SNED1: variants seen among roughly 807,000 people sequenced by gnomAD.
The protein encoded by SNED1 is sushi, nidogen and EGF-like domain-containing protein 1.
In SNED1, 81 loss-of-function variants were observed where a neutral mutation model predicts 166.7. That is an observed-to-expected ratio of 0.49 (90% CI 0.41 to 0.58). The LOEUF (loss-of-function observed/expected upper bound fraction) is 0.58. Ranked by LOEUF, SNED1 falls within the 20% of genes least tolerant of loss-of-function variation. The pLI, the probability that SNED1 is intolerant of heterozygous loss-of-function variation, is 0.00. For synonymous variants in SNED1, 762 were observed against 822.0 expected, an observed-to-expected ratio of 0.93 and a Z score of 1.25; for missense variants, 1,604 against 2,000.2, an observed-to-expected ratio of 0.80 and a Z score of 3.78.
rs1043639010 is a variant in SNED1 at position 241,049,867 on chromosome 2, G to A, written c.1669G>A (p.Asp557Asn). 4.3e-6 allele frequency: 7 copies of A among 1,613,694 alleles called. No homozygotes were observed. The highest frequency in any genetic ancestry group is 4.0e-5 in the African/African-American group (3 of 74,928). ...CCCCTGCTTCAACGGAGGCTCCTGC[G>A]ATGCCCATGACGACTCCTACACCTG... ...SDPCFNGGSC[D>N]AHDDSYTCEC... Residue 557 changes from aspartate (D) to asparagine (N), a missense_variant, in exon 12 of 32, where the codon GAT becomes AAT. By Grantham distance (23) the Asp-to-Asn change is conservative. This residue lies in a region of SNED1 where 1,237 missense variants were observed against 1,620.8 expected (regional missense o/e 0.76). Coordinates refer to ENST00000310397, the MANE Select transcript of SNED1 (RefSeq NM_001080437.3).
chr2:241,075,792 G>A lies in SNED1; in HGVS notation c.3916+2428G>A, dbSNP rs973120197. 2 of 152,104 alleles carry A rather than the reference G, an allele frequency of 1.3e-5. No individual in the cohort carries two copies. Among genetic ancestry groups the A allele is most frequent in the Admixed American group, 6.5e-5 (1 of 15,282 alleles). 9.4% of individuals were successfully genotyped at this position (152,104 alleles called of 1,614,324 possible). A position where few individuals can be genotyped will look rare whatever the true frequency, so the allele number is the denominator to read the frequency against. On this transcript the variant is annotated intron_variant, in intron 27 of 31. Coordinates refer to ENST00000310397, the MANE Select transcript of SNED1 (RefSeq NM_001080437.3). The surrounding 1 kb of genome is among the most constrained non-coding windows in gnomAD (Gnocchi z 4.8). ...ACACCAAAGTTAGAAAGTTATTCAT[G>A]TATATTTTTTTCACAAAGATGTAAA...
chr2:241,048,540 G>T (rs961318919), intron 9 of SNED1, 100 bp downstream of exon 9: 13 of 1,493,698 alleles, frequency 8.7e-6, no homozygotes, highest in Non-Finnish European at 1.1e-5. Context: ...GAAAAGAAAC[G>T]TGTGAGTGCG....
At chr2:241,078,243 C>T (rs766561802) in intron 27 of SNED1, among the ~76,000 whole-genome samples, 14 of 151,510 alleles carry the variant, frequency 9.2e-5, no homozygotes, top group Admixed American at 2.0e-4. Flanking sequence ...ATTAGCTGGG[C>T]GTGGTGGCGG....
chr2:241,058,940 A>ACT (rs1366076781), intron 16 of SNED1, among the ~76,000 whole-genome samples: 1 of 151,432 alleles, frequency 6.6e-6, no homozygotes, highest in African/African-American at 2.4e-5. Flanking sequence ...ACACAGCAAG[A>ACT]CTCTGTTTCA....
At position 241,075,298 on chromosome 2, in the gene SNED1, G is replaced by A. The variant is rs1035528151; in HGVS notation, c.3916+1934G>A. 6.6e-6 allele frequency: 1 copy of A among 152,188 alleles called. No homozygotes were observed. Among genetic ancestry groups the A allele is most frequent in the Admixed American group, 6.5e-5 (1 of 15,274 alleles). The allele number at this position is 152,188 out of a possible 1,614,324, so 9.4% of individuals were successfully genotyped here. Reference sequence around the variant, plus strand: ...AATGCCCAAATTACATGAGAACTAAGTCATTTTCTAAGAGGCGATAGCAGT... The same window carrying A: ...AATGCCCAAATTACATGAGAACTAAATCATTTTCTAAGAGGCGATAGCAGT... On this transcript the variant is annotated intron_variant, in intron 27 of 31. Transcript: ENST00000310397. The surrounding 1 kb of genome is among the most constrained non-coding windows in gnomAD (Gnocchi z 4.8).
chr2:241,004,970 C>T (rs2060181873), intron 1 of SNED1, among the ~76,000 whole-genome samples: 1 of 152,164 alleles, frequency 6.6e-6, no homozygotes, highest in Non-Finnish European at 1.5e-5. Context: ...ATCCACCCAC[C>T]TCAGCCTCAC....
chr2:240,998,457 G>C (rs981617637), upstream of SNED1, among the ~76,000 whole-genome samples: 1 of 152,142 alleles, frequency 6.6e-6, no homozygotes, highest in African/African-American at 2.4e-5. Flanking sequence ...CGCCCGCAGA[G>C]CCCTCACCTT....
intron 27 of SNED1, among the ~76,000 whole-genome samples, chr2:241,081,108 C>T (rs2302042): frequency 0.18 from 27,286 of 152,204 alleles, 2,634 homozygotes; most frequent in Middle Eastern, 0.28. Context: ...CATCACAGGC[C>T]GCCTGGGCTG....
intron 24 of SNED1, among the ~76,000 whole-genome samples, chr2:241,070,959 A>G (rs1559294873): frequency 6.6e-6 from 1 of 152,202 alleles, no homozygotes; most frequent in Non-Finnish European, 1.5e-5. Context: ...CACGAAGTGC[A>G]TAAGCTTGCC....
In SNED1 at chr2:241,037,358, G is replaced by C; in HGVS notation, c.1045+5G>C. On this transcript the variant is annotated splice_donor_5th_base_variant and intron_variant, in intron 6 of 31. Coordinates refer to ENST00000310397, the MANE Select transcript of SNED1 (RefSeq NM_001080437.3). ...GGGGACCCACCTGTGAGACAGGTAAGAGGAACCCACCGGGGCCCACGGGGC... is the reference window on the plus strand; with the variant it reads ...GGGGACCCACCTGTGAGACAGGTAACAGGAACCCACCGGGGCCCACGGGGC... The C allele has an allele frequency of 6.3e-7, 1 of 1,597,606 alleles. No individual in the cohort carries two copies.
intron 16 of SNED1, among the ~76,000 whole-genome samples, chr2:241,057,515 T>G (rs2062095314): frequency 6.7e-6 from 1 of 149,808 alleles, no homozygotes; most frequent in African/African-American, 2.5e-5. Context: ...AGACCCCAAC[T>G]CTACAAAAAA....
In SNED1 at chr2:241,048,414, G is replaced by GCTT. The variant is rs2061726978; in HGVS notation, c.1375_1377dup (p.Phe459dup). 1 of 1,610,384 alleles carries GCTT rather than the reference G, an allele frequency of 6.2e-7. No homozygotes were observed. The highest frequency in any genetic ancestry group is 8.5e-7 in the Non-Finnish European group (1 of 1,178,576). ...GGCTACGTGTGCGAGTGCCCCGAAGGCTTCATGGGCCTGGACTGCAGGGAG... is the reference window on the plus strand; with the variant it reads ...GGCTACGTGTGCGAGTGCCCCGAAGGCTTCTTCATGGGCCTGGACTGCAGGGAG... On this transcript the variant is annotated inframe_insertion, in exon 9 of 32. Transcript: ENST00000310397.
In SNED1 at chr2:241,030,581, G is replaced by A. The variant is rs781451199; in HGVS notation, c.501+10G>A. On this transcript the variant is annotated intron_variant, in intron 2 of 31. Transcript: ENST00000310397. ...CAGTTCCTCATCCCCTGTGAGTCCAGGCACTTGTCCTGGGGAGGGTGGGTG... is the reference window on the plus strand; with the variant it reads ...CAGTTCCTCATCCCCTGTGAGTCCAAGCACTTGTCCTGGGGAGGGTGGGTG... 1 of 1,612,642 alleles carries A rather than the reference G, an allele frequency of 6.2e-7. No homozygotes were observed. Among genetic ancestry groups the A allele is most frequent in the Non-Finnish European group, 8.5e-7 (1 of 1,179,088 alleles).
rs1337190565 is a variant in SNED1, at chr2:241,087,838, G to C, written c.4205+363G>C. 5.4e-6 allele frequency: 3 copies of C among 557,530 alleles called. No individual in the cohort carries two copies. In the Admixed American group the frequency reaches 1.2e-4, roughly 22 times the overall value. 34.5% of individuals were successfully genotyped at this position (557,530 alleles called of 1,614,324 possible). Reference sequence around the variant, plus strand: ...TTACTTTTTATTCACTCACACCCAGGTTCTTTCCACAAAGGGTTCAAGGTA... The same window carrying C: ...TTACTTTTTATTCACTCACACCCAGCTTCTTTCCACAAAGGGTTCAAGGTA... On this transcript the variant is annotated intron_variant, in intron 30 of 31. Coordinates refer to ENST00000310397, the MANE Select transcript of SNED1 (RefSeq NM_001080437.3).
intron 27 of SNED1, among the ~76,000 whole-genome samples, chr2:241,081,272 A>G (rs1394630059): frequency 6.6e-6 from 1 of 150,528 alleles, no homozygotes; most frequent in Non-Finnish European, 1.5e-5. Context: ...ACCAGGAGGG[A>G]CCTCAGGATC....
intron 1 of SNED1, among the ~76,000 whole-genome samples, chr2:241,019,687 G>A (rs758337623): frequency 1.2e-4 from 18 of 152,218 alleles, no homozygotes; most frequent in Admixed American, 5.2e-4. Flanking sequence ...GAGGCAGCGC[G>A]GTCCGATCGG....
chr2:241,010,205 G>C (rs2060347675), intron 1 of SNED1: 1 of 152,162 alleles, frequency 6.6e-6, no homozygotes, highest in Non-Finnish European at 1.5e-5. Context: ...AAGTCTCTTG[G>C]GTCCCTGGCT....
chr2:241,020,432 C>T (rs1050024838), intron 1 of SNED1, among the ~76,000 whole-genome samples: 5 of 152,232 alleles, frequency 3.3e-5, no homozygotes, highest in African/African-American at 7.2e-5. Flanking sequence ...TCGGGGGCCC[C>T]GTGACTCGAG....
rs1406835229 is a variant in SNED1, at chr2:241,048,424, C to A, written c.1383C>A (p.Gly461=). 1 of 1,607,964 alleles carries A rather than the reference C, an allele frequency of 6.2e-7. No homozygotes were observed. Among genetic ancestry groups the A allele is most frequent in the Non-Finnish European group, 8.5e-7 (1 of 1,177,440 alleles). Residue 461 remains glycine (G), a synonymous_variant, in exon 9 of 32, where the codon GGC becomes GGA. Coordinates refer to ENST00000310397, the MANE Select transcript of SNED1 (RefSeq NM_001080437.3). ...GCGAGTGCCCCGAAGGCTTCATGGG[C>A]CTGGACTGCAGGGAGAGTGCGTCTG... is the stretch of plus-strand genomic sequence containing the variant. ...YVCECPEGFM[G]LDCRERVPDD... is the part of the protein sequence containing the mutation.
Sources: allele counts gnomAD v4.1 joint callset (sites outside exome capture counted in the v4.1 genomes callset), GRCh38; gene constraint gnomAD v4.1.1; regional missense constraint gnomAD v4.1.1; non-coding constraint Gnocchi (gnomAD v3.1); transcripts MANE v1.5; gene names NCBI Gene and HGNC (gene_info 2026-07-23, HGNC 2026-07-21).